DCAF5: variants seen among roughly 807,000 people sequenced by gnomAD.
DCAF5 encodes DDB1 and CUL4 associated factor 5, also known as DDB1- and CUL4-associated factor 5.
In DCAF5, 9 loss-of-function variants were observed where a neutral mutation model predicts 80.7. The ratio of observed to expected loss-of-function variants is 0.11; its 90% CI spans 0.07 to 0.19. DCAF5 has a LOEUF of 0.19. Ranked by LOEUF, DCAF5 falls within the 10% of genes least tolerant of loss-of-function variation. The pLI is 1.00. For missense variants in DCAF5, 842 were observed against 1,205.7 expected, an observed-to-expected ratio of 0.70 and a Z score of 4.47; for synonymous variants, 433 against 461.9, an observed-to-expected ratio of 0.94 and a Z score of 0.80.
chr14:69,151,600 C>A (rs907330412), intron 1 of DCAF5, among the ~76,000 whole-genome samples: 8 of 152,182 alleles, frequency 5.3e-5, no homozygotes, highest in African/African-American at 1.9e-4. Flanking sequence ...TCTTCACCCC[C>A]CCTCCCCTGA....
In DCAF5 at chr14:69,120,649, G is replaced by A. The variant is rs141224557; in HGVS notation, c.359-1419C>T. Among the ~76,000 whole-genome samples, 5 of 152,286 alleles carry A rather than the reference G, an allele frequency of 3.3e-5. No individual in the cohort carries two copies. In the East Asian group the frequency reaches 9.6e-4, roughly 29 times the overall value. On this transcript the variant is annotated intron_variant, in intron 2 of 8. Transcript: ENST00000341516. ...GTCACTTAAATAGAAAGCAAAAGTA[G>A]CAGTAAAGATATGGCCCAGGGCATC... is the stretch of plus-strand genomic sequence containing the variant.
intron 7 of DCAF5, among the ~76,000 whole-genome samples, chr14:69,069,096 C>T (rs937269153): frequency 4.6e-5 from 7 of 152,084 alleles, no homozygotes; most frequent in African/African-American, 1.4e-4. Flanking sequence ...TTTCCAGTTA[C>T]ATGGGAGGAA....
intron 5 of DCAF5, among the ~76,000 whole-genome samples, chr14:69,111,084 A>G (rs1050938338): frequency 4.6e-5 from 7 of 152,190 alleles, no homozygotes; most frequent in Non-Finnish European, 7.3e-5. Context: ...TAAAGTTTCA[A>G]CAAACATCAG....
At chr14:69,122,872 T>TA (rs34867364) in intron 1 of DCAF5, among the ~76,000 whole-genome samples, 57,506 of 152,038 alleles carry the variant, frequency 0.38, 12,087 homozygotes, top group East Asian at 0.91. Context: ...ACTCTTACAG[T>TA]AATAGGATCT....
chr14:69,083,416 A>G, intron 6 of DCAF5: 1 of 300,706 alleles, frequency 3.3e-6, no homozygotes, highest in Admixed American at 3.9e-5. Flanking sequence ...CCTGCTGATG[A>G]AACTCCTACG....
intron 7 of DCAF5, among the ~76,000 whole-genome samples, chr14:69,065,753 C>A (rs771295253): frequency 6.6e-6 from 1 of 152,196 alleles, no homozygotes; most frequent in Non-Finnish European, 1.5e-5. Context: ...TAGCTAAAGT[C>A]AAAATGCCAA....
At chr14:69,076,772 T>C (rs1201063789) in intron 6 of DCAF5, among the ~76,000 whole-genome samples, 1 of 152,232 alleles carries the variant, frequency 6.6e-6, no homozygotes, top group Non-Finnish European at 1.5e-5. Context: ...GTTAAAATGG[T>C]AAATCTCATG....
At chr14:69,106,189 T>C (rs888960536) in intron 5 of DCAF5, among the ~76,000 whole-genome samples, 1 of 150,768 alleles carries the variant, frequency 6.6e-6, no homozygotes, top group African/African-American at 2.4e-5. Flanking sequence ...CCCGAGTAGC[T>C]GGAATTACAG....
chr14:69,151,606 CCT>C lies in DCAF5; in HGVS notation c.214+1157_214+1158del, dbSNP rs561957896. Reference sequence around the variant, plus strand: ...AATCAGCCGTCTTCACCCCCCCTCCCCTGAGCCAGGTTTCGGGGAGCCGCCCC... The same window carrying C: ...AATCAGCCGTCTTCACCCCCCCTCCCGAGCCAGGTTTCGGGGAGCCGCCCC... On this transcript the variant is annotated intron_variant, in intron 1 of 8. Coordinates refer to ENST00000341516, the MANE Select transcript of DCAF5 (RefSeq NM_003861.3). Among the ~76,000 whole-genome samples, 19 of 152,312 alleles carry C rather than the reference CCT, an allele frequency of 1.2e-4. No individual in the cohort carries two copies. In the South Asian group the frequency reaches 3.9e-3, roughly 32 times the overall value.
intron 6 of DCAF5, chr14:69,084,931 G>A: frequency 7.0e-7 from 1 of 1,430,018 alleles, no homozygotes; most frequent in African/African-American, 1.4e-5. Context: ...AGAACAGCCA[G>A]AGACCTAAAT....
At chr14:69,149,644 C>T (rs2041643715) in intron 1 of DCAF5, 1 of 152,080 alleles carries the variant, frequency 6.6e-6, no homozygotes, top group Non-Finnish European at 1.5e-5. Flanking sequence ...GTGAGCCTGC[C>T]CAAACAATTA....
At chr14:69,100,156 A>G (rs2039900516) in intron 5 of DCAF5, among the ~76,000 whole-genome samples, 1 of 152,228 alleles carries the variant, frequency 6.6e-6, no homozygotes, top group Non-Finnish European at 1.5e-5. Context: ...CAATAGGAAG[A>G]TACATTAACT....
At chr14:69,110,060 G>A (rs1405377160) in intron 5 of DCAF5, among the ~76,000 whole-genome samples, 1 of 152,140 alleles carries the variant, frequency 6.6e-6, no homozygotes, top group African/African-American at 2.4e-5. Flanking sequence ...CTGCTCTCAT[G>A]AGTGATAAAG....
chr14:69,059,036 T>C (rs1448460548), intron 8 of DCAF5, among the ~76,000 whole-genome samples: 1 of 152,134 alleles, frequency 6.6e-6, no homozygotes, highest in Non-Finnish European at 1.5e-5. Context: ...TCAAACATCA[T>C]AAAAATGGAA....
chr14:69,104,210 C>A (rs763068383), intron 5 of DCAF5, among the ~76,000 whole-genome samples: 5 of 152,098 alleles, frequency 3.3e-5, no homozygotes, highest in Admixed American at 6.6e-5. Flanking sequence ...ATATTCCCAC[C>A]AGCAATATGT....
intron 7 of DCAF5, among the ~76,000 whole-genome samples, chr14:69,072,180 T>C (rs2038718410): frequency 6.6e-6 from 1 of 152,198 alleles, no homozygotes; most frequent in African/African-American, 2.4e-5. Context: ...GATTCCTCTT[T>C]TGGGAAACTG....
At chr14:69,062,342 G>A in intron 8 of DCAF5, 42 bp downstream of exon 8, 1 of 1,601,992 alleles carries the variant, frequency 6.2e-7, no homozygotes, top group Non-Finnish European at 8.5e-7. Flanking sequence ...ATTATAAATT[G>A]TGAGAATTTC....
intron 6 of DCAF5, among the ~76,000 whole-genome samples, chr14:69,086,660 G>C (rs2039336024): frequency 6.6e-6 from 1 of 151,604 alleles, no homozygotes. Context: ...ACTTTAGAGG[G>C]CCTCTCTGGC....
At chr14:69,072,780 A>T (rs1252173050) in intron 7 of DCAF5, among the ~76,000 whole-genome samples, 1 of 152,218 alleles carries the variant, frequency 6.6e-6, no homozygotes, top group African/African-American at 2.4e-5. Context: ...GATGATGATC[A>T]AAGGGACAGA....
Sources: allele counts gnomAD v4.1 joint callset (sites outside exome capture counted in the v4.1 genomes callset), GRCh38; gene constraint gnomAD v4.1.1; transcripts MANE v1.5; gene names NCBI Gene and HGNC (gene_info 2026-07-23, HGNC 2026-07-21).